Variants in SENP6 observed in about 807,000 individuals in gnomAD.
SENP6 encodes the protein SUMO specific peptidase 6, also known as sentrin-specific protease 6.
In SENP6, 41 loss-of-function variants were observed where a neutral mutation model predicts 134.5. The ratio of observed to expected loss-of-function variants is 0.30; its 90% CI spans 0.24 to 0.40. SENP6 has a LOEUF of 0.40. Ranked by LOEUF, SENP6 falls within the 10% of genes least tolerant of loss-of-function variation. SENP6 has a pLI of 1.00. For missense variants in SENP6, 1,248 were observed against 1,312.5 expected (o/e 0.95, Z 0.76); for synonymous variants, 395 against 429.8 (o/e 0.92, Z 1.00).
chr6:75,613,862 C>T lies in SENP6; in HGVS notation c.53-7670C>T, dbSNP rs531793311. On this transcript the variant is annotated intron_variant, in intron 1 of 23. Coordinates refer to ENST00000447266, the MANE Select transcript of SENP6 (RefSeq NM_015571.4). ...ACATTTTTCCACTTTCATTAGTTGA[C>T]CTAAAAATGTTCCTTAATAGCAAAA... 4.6e-5 allele frequency among the ~76,000 whole-genome samples: 7 copies of T among 152,204 alleles called. No homozygotes were observed. In the South Asian group the frequency reaches 1.4e-3, roughly 32 times the overall value.
chr6:75,669,355 C>A (rs1037166513), intron 10 of SENP6, among the ~76,000 whole-genome samples: 7 of 151,754 alleles, frequency 4.6e-5, no homozygotes, highest in Non-Finnish European at 1.0e-4. Flanking sequence ...GACTCCATCT[C>A]AAAAAATAAT....
At chr6:75,605,821 GAATT>G (rs1311030180) in intron 1 of SENP6, among the ~76,000 whole-genome samples, 2 of 150,654 alleles carry the variant, frequency 1.3e-5, no homozygotes, top group Non-Finnish European at 3.0e-5. Context: ...GCTTTTTGTG[GAATT>G]AATTAGGGGG....
intron 7 of SENP6, among the ~76,000 whole-genome samples, chr6:75,652,683 C>CAA (rs71002754): frequency 1.5e-4 from 11 of 75,862 alleles, no homozygotes; most frequent in East Asian, 1.1e-3. Context: ...CTAAAAATCT[C>CAA]AAAAAAAAAA....
At chr6:75,671,414 T>A (rs1244908724) in intron 11 of SENP6, among the ~76,000 whole-genome samples, 1 of 152,188 alleles carries the variant, frequency 6.6e-6, no homozygotes, top group Non-Finnish European at 1.5e-5. Flanking sequence ...CCTTTTTACA[T>A]AAAGCACTTG....
chr6:75,696,741 G>C (rs2149895491), intron 17 of SENP6, among the ~76,000 whole-genome samples: 1 of 152,256 alleles, frequency 6.6e-6, no homozygotes, highest in South Asian at 2.1e-4. Flanking sequence ...CCTCCCCAAA[G>C]TACTGGGATT....
In SENP6 at chr6:75,609,190, C is replaced by A. The variant is rs149241268; in HGVS notation, c.52+6614C>A. Among the ~76,000 whole-genome samples, 291 of 152,302 alleles carry A rather than the reference C, an allele frequency of 1.9e-3. 2 individuals are homozygous for A. The highest frequency in any genetic ancestry group is 6.5e-3 in the African/African-American group (270 of 41,568). On this transcript the variant is annotated intron_variant, in intron 1 of 23. Coordinates refer to ENST00000447266, the MANE Select transcript of SENP6 (RefSeq NM_015571.4). ...CTTCAGCTTTCTTCAGCATTTCCTT[C>A]CTCTCCCTTTCTCCCCGCTTCCTCA...
intron 10 of SENP6, among the ~76,000 whole-genome samples, chr6:75,669,779 T>C (rs780312607): frequency 6.6e-6 from 1 of 152,222 alleles, no homozygotes; most frequent in Non-Finnish European, 1.5e-5. Flanking sequence ...TTAATTCAAG[T>C]ATCACTGCCA....
At chr6:75,615,634 A>G (rs1394463669) in intron 1 of SENP6, among the ~76,000 whole-genome samples, 4 of 152,144 alleles carry the variant, frequency 2.6e-5, no homozygotes, top group East Asian at 1.9e-4. Flanking sequence ...TTTAGGTTTT[A>G]TATCTGTCTT....
Position 75,711,375 on chromosome 6 carries a change from A to AC in SENP6, c.2868_2869insC (p.Glu957ArgfsTer13). 6.2e-7 allele frequency: 1 copy of AC among 1,613,492 alleles called. No homozygotes were observed. Among genetic ancestry groups the AC allele is most frequent in the Non-Finnish European group, 8.5e-7 (1 of 1,179,588 alleles). On this transcript the variant is annotated frameshift_variant, in exon 21 of 24. Coordinates refer to ENST00000447266, the MANE Select transcript of SENP6 (RefSeq NM_015571.4). LOFTEE classifies it high-confidence loss of function. Reference sequence around the variant, plus strand: ...TCCTCGCTGATGACAACTGCAGTTCAGAAATAGGACAGTGGCATTTAAAGC... The same window carrying AC: ...TCCTCGCTGATGACAACTGCAGTTCACGAAATAGGACAGTGGCATTTAAAGC...
At chr6:75,664,127 A>G (rs1171069383) in intron 9 of SENP6, among the ~76,000 whole-genome samples, 1 of 152,128 alleles carries the variant, frequency 6.6e-6, no homozygotes, top group Non-Finnish European at 1.5e-5. Context: ...ACTGTGGAGA[A>G]TGAACATAAT....
chr6:75,699,427 A>G (rs568877457), intron 18 of SENP6, among the ~76,000 whole-genome samples: 7 of 140,696 alleles, frequency 5.0e-5, no homozygotes, highest in Non-Finnish European at 9.0e-5. Flanking sequence ...ATTGGCTGCC[A>G]TATATTTGTC....
intron 6 of SENP6, among the ~76,000 whole-genome samples, chr6:75,646,206 A>G (rs551191668): frequency 6.6e-6 from 1 of 152,324 alleles, no homozygotes; most frequent in Admixed American, 6.5e-5. Context: ...CTAAAAACCT[A>G]CCTTCTTTCT....
In SENP6 at chr6:75,602,470, G is replaced by C; in HGVS notation, c.-55G>C. ...CCGGCGCGGCCCCTCATCCCGGCGA[G>C]CACGGCGGCGGTGTGGGCCATGGAT... On this transcript the variant is annotated 5_prime_UTR_variant, in exon 1 of 24. Coordinates refer to ENST00000447266, the MANE Select transcript of SENP6 (RefSeq NM_015571.4). The C allele has an allele frequency of 6.5e-7, 1 of 1,545,828 alleles. No homozygotes were observed. Among genetic ancestry groups the C allele is most frequent in the East Asian group, 2.4e-5 (1 of 40,866 alleles).
Position 75,676,063 on chromosome 6 carries a change from T to C in SENP6, c.1621+9T>C. 1 of 1,545,826 alleles carries C rather than the reference T, an allele frequency of 6.5e-7. No individual in the cohort carries two copies. Among genetic ancestry groups the C allele is most frequent in the Non-Finnish European group, 8.8e-7 (1 of 1,138,262 alleles). ...AGTAAATAAATTAACAAGTAAGTTG[T>C]GTAAAACAGATTATAATAGATAATA... On this transcript the variant is annotated intron_variant, in intron 13 of 23. Coordinates refer to ENST00000447266, the MANE Select transcript of SENP6 (RefSeq NM_015571.4).
chr6:75,691,434 CTGA>C lies in SENP6; in HGVS notation c.2076-4364_2076-4362del, dbSNP rs535444395. Among the ~76,000 whole-genome samples the C allele has an allele frequency of 1.6e-3, 247 of 152,278 alleles. 1 individual carries two copies. The highest frequency in any genetic ancestry group is 2.3e-3 in the Non-Finnish European group (159 of 68,028). On this transcript the variant is annotated intron_variant, in intron 16 of 23. Coordinates refer to ENST00000447266, the MANE Select transcript of SENP6 (RefSeq NM_015571.4). ...ACTTCATCTTATAGTTAAAGGAGTTCTGATGATGTTAGATTTTCCATTTTATGG... is the reference window on the plus strand; with the variant it reads ...ACTTCATCTTATAGTTAAAGGAGTTCTGATGTTAGATTTTCCATTTTATGG...
chr6:75,666,210 ATATAAG>A (rs1772223024), intron 9 of SENP6, among the ~76,000 whole-genome samples: 1 of 145,444 alleles, frequency 6.9e-6, no homozygotes, highest in Non-Finnish European at 1.5e-5. Context: ...TATATGATAT[ATATAAG>A]TATGATATAT....
At position 75,623,896 on chromosome 6, in the gene SENP6, G is replaced by A. The variant is rs756097349; in HGVS notation, c.147-4G>A. 1 of 1,601,282 alleles carries A rather than the reference G, an allele frequency of 6.2e-7. No homozygotes were observed. The highest frequency in any genetic ancestry group is 2.2e-5 in the East Asian group (1 of 44,510). ...ATGTTTTTTTCCCCTTATTTTCTGT[G>A]TAGTGGGACAAATCTGCTCAGTGTG... On this transcript the variant is annotated splice_region_variant and splice_polypyrimidine_tract_variant and intron_variant, in intron 2 of 23. Coordinates refer to ENST00000447266, the MANE Select transcript of SENP6 (RefSeq NM_015571.4).
intron 11 of SENP6, among the ~76,000 whole-genome samples, chr6:75,673,573 C>T (rs951325302): frequency 1.3e-5 from 2 of 151,710 alleles, no homozygotes; most frequent in African/African-American, 2.4e-5. Context: ...ATCCACCTGC[C>T]TTGGCCTCCC....
chr6:75,667,559 G>GT (rs1772340220), intron 10 of SENP6, among the ~76,000 whole-genome samples: 1 of 152,162 alleles, frequency 6.6e-6, no homozygotes, highest in African/African-American at 2.4e-5. Flanking sequence ...TTTAAAAATT[G>GT]TTAAAAAATC....
Sources: allele counts gnomAD v4.1 joint callset (sites outside exome capture counted in the v4.1 genomes callset), GRCh38; gene constraint gnomAD v4.1.1; transcripts MANE v1.5; gene names NCBI Gene and HGNC (gene_info 2026-07-23, HGNC 2026-07-21).